Variants in RPS6KA2 observed in about 807,000 individuals in gnomAD.
RPS6KA2 encodes the protein ribosomal protein S6 kinase A2.
Under a neutral mutation model 91.8 loss-of-function variants are expected in RPS6KA2, and 42 were observed. The observed-to-expected ratio is 0.46, with a 90% CI of 0.36 to 0.59. The LOEUF (loss-of-function observed/expected upper bound fraction) is 0.59, where lower values mean the gene tolerates loss of function less well. RPS6KA2 is among the 20% of genes least tolerant of loss of function. RPS6KA2 has a pLI of 0.00. For missense variants in RPS6KA2, 798 were observed against 978.5 expected, an observed-to-expected ratio of 0.82 and a Z score of 2.46; for synonymous variants, 414 against 393.6, an observed-to-expected ratio of 1.05 and a Z score of -0.61.
Position 166,681,194 on chromosome 6 carries a change from C to T in RPS6KA2, c.124-142410G>A, listed in dbSNP as rs77884052. 4.4e-4 allele frequency among the ~76,000 whole-genome samples: 67 copies of T among 152,270 alleles called. No individual in the cohort carries two copies. In the East Asian group the frequency reaches 9.4e-3, roughly 21 times the overall value. ...TTAGAAAATGCAAGGAAGGATGTAC[C>T]AAAACTGCAGGTTACAACACTGTAT... On this transcript the variant is annotated intron_variant, in intron 2 of 21. Transcript: ENST00000503859.
At chr6:166,636,756 G>A (rs1051361512) in intron 2 of RPS6KA2, among the ~76,000 whole-genome samples, 3 of 152,218 alleles carry the variant, frequency 2.0e-5, no homozygotes, top group Non-Finnish European at 4.4e-5. Flanking sequence ...AGGAGAAGCA[G>A]GGTGTGGCCG....
chr6:166,443,258 T>C (rs1192495858), intron 14 of RPS6KA2, among the ~76,000 whole-genome samples: 1 of 152,164 alleles, frequency 6.6e-6, no homozygotes, highest in East Asian at 1.9e-4. Flanking sequence ...GGATCGTCTG[T>C]CTGAAAAGGG....
At chr6:166,609,401 A>G (rs1786077725) in intron 1 of RPS6KA2, among the ~76,000 whole-genome samples, 1 of 152,116 alleles carries the variant, frequency 6.6e-6, no homozygotes, top group African/African-American at 2.4e-5. Context: ...TTATTTTTCT[A>G]TGGTTAAAAT....
In RPS6KA2 at chr6:166,626,412, G is replaced by T. The variant is rs577714771; in HGVS notation, c.99+509C>A. On this transcript the variant is annotated intron_variant, in intron 1 of 20. Transcript: ENST00000265678. This position sits in a 1 kb window ranked among gnomAD's most constrained non-coding sequence, Gnocchi z 4.1. Reference sequence around the variant, plus strand: ...ATTGTGCTGCTGCCTGTTCTTCCCCGTTCTGTGAATTCTACACTGACTTCA... The same window carrying T: ...ATTGTGCTGCTGCCTGTTCTTCCCCTTTCTGTGAATTCTACACTGACTTCA... Among the ~76,000 whole-genome samples the T allele has an allele frequency of 6.6e-6, 1 of 152,330 alleles. No individual in the cohort carries two copies. The highest frequency in any genetic ancestry group is 6.5e-5 in the Admixed American group (1 of 15,310).
At chr6:166,727,884 C>A (rs565396493) in intron 2 of RPS6KA2, among the ~76,000 whole-genome samples, 30 of 141,204 alleles carry the variant, frequency 2.1e-4, no homozygotes, top group African/African-American at 8.9e-4. Context: ...AGGAGCCGAG[C>A]ACCAGTGACC....
chr6:166,604,392 G>GA (rs560497827), intron 1 of RPS6KA2, among the ~76,000 whole-genome samples: 2,633 of 146,322 alleles, frequency 0.018, 42 homozygotes, highest in Middle Eastern at 0.06. Flanking sequence ...GTGGAAAACT[G>GA]AAAAAAAAAA....
At chr6:166,561,560 T>C (rs549031806) in intron 1 of RPS6KA2, among the ~76,000 whole-genome samples, 2 of 151,748 alleles carry the variant, frequency 1.3e-5, no homozygotes, top group Non-Finnish European at 2.9e-5. Context: ...CTTGACTCTG[T>C]GGGGGGAGTC....
At chr6:166,768,216 G>A (rs192794500) in intron 2 of RPS6KA2, among the ~76,000 whole-genome samples, 91 of 152,344 alleles carry the variant, frequency 6.0e-4, no homozygotes, top group African/African-American at 1.9e-3. Context: ...CCCCGTTCTG[G>A]TTGAGGTTGG....
Position 166,626,794 on chromosome 6 carries a change from C to A in RPS6KA2, c.99+127G>T, listed in dbSNP as rs1583342001. ...GTTTGGTTCGATTTTCGGAACCGGA[C>A]CAGCTTTCCAGTAACTTGAACTCCC... On this transcript the variant is annotated intron_variant, in intron 1 of 20. Transcript: ENST00000265678. The surrounding 1 kb of genome is among the most constrained non-coding windows in gnomAD (Gnocchi z 4.1). 2.6e-6 allele frequency: 2 copies of A among 760,390 alleles called. No homozygotes were observed. Among genetic ancestry groups the A allele is most frequent in the Non-Finnish European group, 3.6e-6 (2 of 551,326 alleles). 47.1% of individuals were successfully genotyped at this position (760,390 alleles called of 1,614,324 possible). A position where few individuals can be genotyped will look rare whatever the true frequency, so the allele number is the denominator to read the frequency against.
At chr6:166,420,421 C>A (rs1002171209) in intron 17 of RPS6KA2, among the ~76,000 whole-genome samples, 35 of 152,262 alleles carry the variant, frequency 2.3e-4, no homozygotes, top group African/African-American at 8.2e-4. Context: ...TCCCCCAGCC[C>A]CCAACACCTA....
intron 2 of RPS6KA2, among the ~76,000 whole-genome samples, chr6:166,756,974 G>A (rs990732122): frequency 6.6e-6 from 1 of 152,196 alleles, no homozygotes; most frequent in African/African-American, 2.4e-5. Flanking sequence ...GGAGATGGCG[G>A]TGGTGGTGGC....
At chr6:166,504,654 C>T in intron 5 of RPS6KA2, 42 bp from the exon 6 acceptor site, 10 of 1,379,118 alleles carry the variant, frequency 7.3e-6, no homozygotes, top group Non-Finnish European at 1.0e-5. Flanking sequence ...AAACGTTTAA[C>T]TTGTTTTATG....
chr6:166,700,136 T>A (rs1291608419), intron 2 of RPS6KA2, among the ~76,000 whole-genome samples: 1 of 152,224 alleles, frequency 6.6e-6, no homozygotes, highest in African/African-American at 2.4e-5. Context: ...ATGCATTCAA[T>A]CATGTAGCTA....
intron 2 of RPS6KA2, among the ~76,000 whole-genome samples, chr6:166,696,520 A>T (rs1789363383): frequency 6.6e-6 from 1 of 152,180 alleles, no homozygotes; most frequent in Admixed American, 6.5e-5. Flanking sequence ...ATCCATTAAA[A>T]CAGTTCCTCC....
At chr6:166,416,439 A>G (rs1327168839) in intron 19 of RPS6KA2, among the ~76,000 whole-genome samples, 1 of 150,668 alleles carries the variant, frequency 6.6e-6, no homozygotes, top group Admixed American at 6.6e-5. Flanking sequence ...TACCTCCACA[A>G]TCACTACCAT....
chr6:166,417,085 T>C (rs888645149), intron 19 of RPS6KA2, among the ~76,000 whole-genome samples: 1 of 152,150 alleles, frequency 6.6e-6, no homozygotes, highest in African/African-American at 2.4e-5. Context: ...AGAGAGGAAT[T>C]TGATGATGCC....
At chr6:166,455,814 G>A (rs1485691024) in intron 12 of RPS6KA2, among the ~76,000 whole-genome samples, 2 of 152,186 alleles carry the variant, frequency 1.3e-5, no homozygotes, top group African/African-American at 2.4e-5. Context: ...ACCACGGGCC[G>A]CAGATTCTCC....
chr6:166,786,915 C>T (rs1778945460), intron 2 of RPS6KA2, among the ~76,000 whole-genome samples: 1 of 152,052 alleles, frequency 6.6e-6, no homozygotes, highest in South Asian at 2.1e-4. Context: ...ACAAGAGGCC[C>T]GAGATAGGTC....
At chr6:166,491,875 C>G (rs1001187457) in intron 8 of RPS6KA2, among the ~76,000 whole-genome samples, 2 of 152,130 alleles carry the variant, frequency 1.3e-5, no homozygotes, top group Non-Finnish European at 2.9e-5. Context: ...TGTATACTAA[C>G]TTTTCACAGA....
Sources: allele counts gnomAD v4.1 joint callset (sites outside exome capture counted in the v4.1 genomes callset), GRCh38; gene constraint gnomAD v4.1.1; non-coding constraint Gnocchi (gnomAD v3.1); transcripts MANE v1.5; gene names NCBI Gene and HGNC (gene_info 2026-07-23, HGNC 2026-07-21).